Variants in SLC35F4 observed in about 807,000 individuals in gnomAD.
SLC35F4 encodes the protein solute carrier family 35 member F4, also known as chromosome 14 open reading frame 36.
In SLC35F4, 24 loss-of-function variants were observed where a neutral mutation model predicts 44.2. That is an observed-to-expected ratio of 0.54 (90% CI 0.39 to 0.76). The LOEUF is 0.76. Among genes scored for constraint, SLC35F4 ranks in the 30% least tolerant of loss-of-function variants. SLC35F4 has a pLI of 0.00. For synonymous variants in SLC35F4, 238 were observed against 223.6 expected (o/e 1.06, Z -0.57); for missense variants, 562 against 586.1 (o/e 0.96, Z 0.42).
chr14:57,725,965 C>G (rs967030706), intron 1 of SLC35F4, among the ~76,000 whole-genome samples: 2 of 152,158 alleles, frequency 1.3e-5, no homozygotes, highest in African/African-American at 4.8e-5. Context: ...GAGGGAGGAA[C>G]ACTGCCTCCA....
rs532240969 is a variant in SLC35F4 at position 57,737,460 on chromosome 14, C to A, written c.103+128263G>T. Among the ~76,000 whole-genome samples the A allele has an allele frequency of 1.8e-4, 28 of 152,254 alleles. No individual in the cohort carries two copies. The South Asian group carries it at 3.3e-3, about 18-fold the overall frequency. ...TCATCTTTTGACTCTTAACTGTGAACTGGGGCACTTAAAAAGTGTACAGTG... is the reference window on the plus strand; with the variant it reads ...TCATCTTTTGACTCTTAACTGTGAAATGGGGCACTTAAAAAGTGTACAGTG... On this transcript the variant is annotated intron_variant, in intron 1 of 7. Transcript: ENST00000556826.
At position 57,569,857 on chromosome 14, in the gene SLC35F4, C is replaced by A; in HGVS notation, c.1057G>T (p.Val353Leu). Residue 353 changes from valine (V) to leucine (L), a missense_variant, in exon 6 of 8, where the codon GTG becomes TTG. Physicochemically the swap from Val to Leu is conservative, Grantham distance 32. Coordinates refer to ENST00000556826, the MANE Select transcript of SLC35F4 (RefSeq NM_001306087.2). ...GCAGCAAAAGAGGACCAGTGCTCCACCTTGGTGAAATACAAGATGACTGGG... is the reference window on the plus strand; with the variant it reads ...GCAGCAAAAGAGGACCAGTGCTCCAACTTGGTGAAATACAAGATGACTGGG... ...FTPVILYFTK[V>L]EHWSSFAALP... 6.2e-7 allele frequency: 1 copy of A among 1,611,676 alleles called. No homozygotes were observed. The highest frequency in any genetic ancestry group is 1.1e-5 in the South Asian group (1 of 90,280).
chr14:57,650,096 T>C (rs2073723475), intron 1 of SLC35F4, among the ~76,000 whole-genome samples: 1 of 152,136 alleles, frequency 6.6e-6, no homozygotes, highest in South Asian at 2.1e-4. Flanking sequence ...CTAACGTGAC[T>C]TCTCCACCTT....
chr14:57,569,313 G>C (rs1250667258), intron 6 of SLC35F4, among the ~76,000 whole-genome samples: 1 of 152,026 alleles, frequency 6.6e-6, no homozygotes, highest in African/African-American at 2.4e-5. Context: ...TGGCTTTCCA[G>C]GCTCTTCCCA....
intron 1 of SLC35F4, among the ~76,000 whole-genome samples, chr14:57,946,770 T>C (rs901666454): frequency 2.0e-5 from 3 of 152,134 alleles, no homozygotes; most frequent in Non-Finnish European, 4.4e-5. Context: ...GCCACCACGT[T>C]GGCCATATTT....
intron 1 of SLC35F4, among the ~76,000 whole-genome samples, chr14:57,678,671 G>A (rs753092484): frequency 6.6e-5 from 10 of 150,446 alleles, no homozygotes; most frequent in Admixed American, 6.0e-4. Context: ...AGGGATGGAG[G>A]AATATTTACC....
intron 1 of SLC35F4, among the ~76,000 whole-genome samples, chr14:57,968,228 A>G (rs1006744829): frequency 6.6e-6 from 1 of 152,214 alleles, no homozygotes. Flanking sequence ...TCCCTTTAAA[A>G]AGTTATTTCA....
In SLC35F4 at chr14:57,865,861, G is replaced by C; in HGVS notation, c.-36C>G. 6.9e-7 allele frequency: 1 copy of C among 1,444,886 alleles called. No homozygotes were observed. Among genetic ancestry groups the C allele is most frequent in the South Asian group, 1.3e-5 (1 of 78,270 alleles). 89.5% of individuals were successfully genotyped at this position (1,444,886 alleles called of 1,614,324 possible). On this transcript the variant is annotated 5_prime_UTR_variant, in exon 1 of 8. Coordinates refer to ENST00000556826, the MANE Select transcript of SLC35F4 (RefSeq NM_001306087.2). Reference sequence around the variant, plus strand: ...GGGCGACGGCCCCGAGTGCGGCGGGGCGGAGAGCGCAGCGCGGGGCCCGGG... The same window carrying C: ...GGGCGACGGCCCCGAGTGCGGCGGGCCGGAGAGCGCAGCGCGGGGCCCGGG...
intron 1 of SLC35F4, among the ~76,000 whole-genome samples, chr14:57,884,449 G>A (rs1470460640): frequency 6.6e-6 from 1 of 152,140 alleles, no homozygotes; most frequent in Non-Finnish European, 1.5e-5. Flanking sequence ...ATGGATTAGA[G>A]GACTCTTCCA....
chr14:57,683,388 C>T (rs1474145471), intron 1 of SLC35F4, among the ~76,000 whole-genome samples: 1 of 152,138 alleles, frequency 6.6e-6, no homozygotes, highest in Non-Finnish European at 1.5e-5. Context: ...ACTTTAAAAG[C>T]TGGGTTAAGT....
chr14:57,879,277 T>TA (rs1363974816), intron 1 of SLC35F4, among the ~76,000 whole-genome samples: 1 of 152,086 alleles, frequency 6.6e-6, no homozygotes, highest in African/African-American at 2.4e-5. Context: ...TCAGAAAACA[T>TA]AGGTTCTATC....
At chr14:57,601,125 G>A (rs2070801680) in intron 1 of SLC35F4, among the ~76,000 whole-genome samples, 1 of 151,840 alleles carries the variant, frequency 6.6e-6, no homozygotes, top group Admixed American at 6.6e-5. Context: ...TAACTTGGCT[G>A]TTGGTCATAT....
chr14:57,954,930 G>A (rs1339695395), intron 1 of SLC35F4, among the ~76,000 whole-genome samples: 3 of 147,146 alleles, frequency 2.0e-5, no homozygotes, highest in Non-Finnish European at 4.5e-5. Context: ...CATTTTATGA[G>A]GCCAGCATCA....
At chr14:57,845,077 G>C (rs1199989795) in intron 1 of SLC35F4, among the ~76,000 whole-genome samples, 1 of 152,116 alleles carries the variant, frequency 6.6e-6, no homozygotes, top group Non-Finnish European at 1.5e-5. Context: ...GCCCTTTATT[G>C]GATCTGCACA....
chr14:57,894,931 T>C (rs1888841965), intron 1 of SLC35F4, among the ~76,000 whole-genome samples: 1 of 152,152 alleles, frequency 6.6e-6, no homozygotes. Flanking sequence ...AGCTGGTGAT[T>C]TGTCTTCTCT....
At chr14:57,850,603 G>A (rs1185337012) in intron 1 of SLC35F4, among the ~76,000 whole-genome samples, 1 of 152,122 alleles carries the variant, frequency 6.6e-6, no homozygotes, top group African/African-American at 2.4e-5. Flanking sequence ...TTACTTTATG[G>A]ATATAACATG....
chr14:57,801,291 A>C (rs866055208), intron 1 of SLC35F4, among the ~76,000 whole-genome samples: 1 of 152,218 alleles, frequency 6.6e-6, no homozygotes, highest in Non-Finnish European at 1.5e-5. Context: ...AAGGAGAAAT[A>C]AGATCCTTTT....
At chr14:57,692,419 A>C (rs1043905187) in intron 1 of SLC35F4, among the ~76,000 whole-genome samples, 3 of 152,164 alleles carry the variant, frequency 2.0e-5, no homozygotes, top group African/African-American at 7.2e-5. Context: ...TAATCATTTT[A>C]TCTTCCAGCA....
intron 1 of SLC35F4, among the ~76,000 whole-genome samples, chr14:57,817,319 T>A (rs906789340): frequency 6.6e-6 from 1 of 152,126 alleles, no homozygotes; most frequent in Non-Finnish European, 1.5e-5. Flanking sequence ...CCTGAGAATT[T>A]TGAATACCTG....
Sources: allele counts gnomAD v4.1 joint callset (sites outside exome capture counted in the v4.1 genomes callset), GRCh38; gene constraint gnomAD v4.1.1; transcripts MANE v1.5; gene names NCBI Gene and HGNC (gene_info 2026-07-23, HGNC 2026-07-21).